UNG: variants seen among roughly 807,000 people sequenced by gnomAD.
UNG encodes the protein uracil DNA glycosylase.
A neutral mutation model predicts 36.5 loss-of-function variants in UNG; 34 were observed. That is an observed-to-expected ratio of 0.93 (90% confidence interval 0.71 to 1.24). UNG has a LOEUF of 1.24. Among genes scored for constraint, UNG ranks in the 50% most tolerant of loss-of-function variants. The pLI, the probability that UNG is intolerant of heterozygous loss-of-function variation, is 0.00. For missense variants in UNG, 391 were observed against 397.6 expected (o/e 0.98, Z 0.14); for synonymous variants, 172 against 157.8 (o/e 1.09, Z -0.67).
chr12:109,103,400 C>T (rs368190134), intron 5 of UNG, 33 bp from the exon 6 acceptor site: 1 of 1,609,574 alleles, frequency 6.2e-7, no homozygotes. Context: ...TTTGCCTGAG[C>T]CTACATTTAA....
chr12:109,101,756 T>C, intron 3 of UNG, 146 bp from the exon 4 acceptor site: 3 of 715,352 alleles, frequency 4.2e-6, no homozygotes, highest in Non-Finnish European at 7.5e-6. Context: ...AAGTTTAAAA[T>C]ACGCTTAGCC....
intron 6 of UNG, among the ~76,000 whole-genome samples, chr12:109,109,531 C>T (rs1259087663): frequency 4.0e-5 from 6 of 151,234 alleles, no homozygotes; most frequent in African/African-American, 1.5e-4. Flanking sequence ...CGCCTGTAAT[C>T]CCAGCACTTT....
At position 109,103,630 on chromosome 12, in the gene UNG, C is replaced by CT. The variant is rs144108564; in HGVS notation, c.801+27dup. 118 of 1,565,380 alleles carry CT rather than the reference C, an allele frequency of 7.5e-5. No individual in the cohort carries two copies. In the African/African-American group the frequency reaches 1.3e-3, roughly 18 times the overall value. On this transcript the variant is annotated intron_variant, in intron 6 of 6. Transcript: ENST00000242576. ...TGATAGGGTATGTTTTGTTTTCTTT[C>CT]TTTTTTTTCTTTTTTTTTTAACACT...
intron 6 of UNG, among the ~76,000 whole-genome samples, chr12:109,106,843 GCA>G: frequency 2.6e-5 from 2 of 76,322 alleles, no homozygotes; most frequent in Admixed American, 1.6e-4. Flanking sequence ...CTCCAGCCTG[GCA>G]ACAGAGTGAG....
Position 109,101,986 on chromosome 12 carries a change from C to CT in UNG, c.520_521insT (p.Pro174LeufsTer11). ...CTGCTTTAGTGTTCAAAGGCCTGTTCCGCCTCCGCCCAGGTACAGTTGCTT... is the reference window on the plus strand; with the variant it reads ...CTGCTTTAGTGTTCAAAGGCCTGTTCTCGCCTCCGCCCAGGTACAGTTGCTT... On this transcript the variant is annotated frameshift_variant, in exon 4 of 7. Coordinates refer to ENST00000242576, the MANE Select transcript of UNG (RefSeq NM_080911.3). LOFTEE classifies it high-confidence loss of function. 6.2e-7 allele frequency: 1 copy of CT among 1,613,934 alleles called. No homozygotes were observed. Among genetic ancestry groups the CT allele is most frequent in the Non-Finnish European group, 8.5e-7 (1 of 1,179,956 alleles).
chr12:109,109,510 A>G (rs1427140978), intron 6 of UNG, among the ~76,000 whole-genome samples: 2 of 150,856 alleles, frequency 1.3e-5, no homozygotes, highest in Non-Finnish European at 3.0e-5. Flanking sequence ...CCGGCCGGGC[A>G]TGGTGGTTCA....
chr12:109,098,939 G>A (rs1351646967), intron 2 of UNG, among the ~76,000 whole-genome samples: 1 of 152,218 alleles, frequency 6.6e-6, no homozygotes, highest in Non-Finnish European at 1.5e-5. Flanking sequence ...CCTGGCTTGA[G>A]CTTTAAAAAG....
chr12:109,097,668 C>T lies in UNG; in HGVS notation c.-12C>T, dbSNP rs780581104. 1.1e-5 allele frequency: 17 copies of T among 1,604,428 alleles called. 1 individual carries two copies. In the South Asian group the frequency reaches 1.7e-4, roughly 16 times the overall value. On this transcript the variant is annotated 5_prime_UTR_variant, in exon 1 of 7. Coordinates refer to ENST00000242576, the MANE Select transcript of UNG (RefSeq NM_080911.3). Reference sequence around the variant, plus strand: ...CCGGGTGGCGCGCGTTCGCTGCCTCCTCAGCTCCAGGATGATCGGCCAGAA... The same window carrying T: ...CCGGGTGGCGCGCGTTCGCTGCCTCTTCAGCTCCAGGATGATCGGCCAGAA...
At position 109,109,949 on chromosome 12, in the gene UNG, A is replaced by T; in HGVS notation, c.922A>T (p.Ile308Phe). 6.2e-7 allele frequency: 1 copy of T among 1,614,020 alleles called. No individual in the cohort carries two copies. The highest frequency in any genetic ancestry group is 2.2e-5 in the East Asian group (1 of 44,884). The change falls in exon 7 of 7, where the codon ATT becomes TTT. Residue 308 changes from isoleucine to phenylalanine, a missense_variant. Coordinates refer to ENST00000242576, the MANE Select transcript of UNG (RefSeq NM_080911.3). The stretch of plus-strand genomic sequence containing the variant: ...GCTGCAGAAGTCTGGCAAGAAGCCC[A>T]TTGACTGGAAGGAGCTGTGATCATC... ...ELLQKSGKKPIDWKEL is the reference protein window; with the variant it reads ...ELLQKSGKKPFDWKEL
intron 6 of UNG, among the ~76,000 whole-genome samples, chr12:109,106,743 C>CA (rs2042217352): frequency 6.7e-6 from 1 of 148,746 alleles, no homozygotes; most frequent in African/African-American, 2.5e-5. Flanking sequence ...TACTAAAATA[C>CA]AAAAAATTAG....
chr12:109,098,193 C>A, intron 1 of UNG: 1 of 1,426,184 alleles, frequency 7.0e-7, no homozygotes, highest in Admixed American at 2.8e-5. Flanking sequence ...CCAGTCACCG[C>A]GACGCTCCTC....
At position 109,103,748 on chromosome 12, in the gene UNG, G is replaced by A. The variant is rs2042196901; in HGVS notation, c.801+137G>A. On this transcript the variant is annotated intron_variant, in intron 6 of 6. Transcript: ENST00000242576. The stretch of plus-strand genomic sequence containing the variant: ...ATAACTTTTATTTTCCCTTAGGCCT[G>A]TTATAAGGGTTTCCCATTGAAAACT... 9.7e-6 allele frequency: 10 copies of A among 1,025,786 alleles called. No individual in the cohort carries two copies. The East Asian group carries it at 1.8e-4, about 19-fold the overall frequency. 63.5% of individuals were successfully genotyped at this position (1,025,786 alleles called of 1,614,324 possible).
chr12:109,097,859 C>T (rs982865574), intron 1 of UNG, 48 bp downstream of exon 1: 6 of 1,474,448 alleles, frequency 4.1e-6, no homozygotes, highest in Admixed American at 4.8e-5. Context: ...GGGAGGAAGG[C>T]GGTGGGCCCC....
In UNG at chr12:109,110,706, T is replaced by A. The variant is rs1362461941; in HGVS notation, c.*737T>A. On this transcript the variant is annotated 3_prime_UTR_variant, in exon 7 of 7. Coordinates refer to ENST00000242576, the MANE Select transcript of UNG (RefSeq NM_080911.3). ...GTGGGGTGATTTTCTCCTAGGGTTATGTCCAGTTGGGGTTTTTAAGGCAGC... is the reference window on the plus strand; with the variant it reads ...GTGGGGTGATTTTCTCCTAGGGTTAAGTCCAGTTGGGGTTTTTAAGGCAGC... 1 of 152,440 alleles carries A rather than the reference T, an allele frequency of 6.6e-6. No individual in the cohort carries two copies. Among genetic ancestry groups the A allele is most frequent in the Non-Finnish European group, 1.5e-5 (1 of 68,294 alleles). The allele number at this position is 152,440 out of a possible 1,614,324, so 9.4% of individuals were successfully genotyped here. A position where few individuals can be genotyped will look rare whatever the true frequency, so the allele number is the denominator to read the frequency against.
rs754010984 is a variant in UNG, at chr12:109,103,585, CAGA to C, written c.781_783del (p.Lys261del). 2 of 1,613,674 alleles carry C rather than the reference CAGA, an allele frequency of 1.2e-6. No individual in the cohort carries two copies. The highest frequency in any genetic ancestry group is 1.7e-5 in the Admixed American group (1 of 59,980). Reference sequence around the variant, plus strand: ...TTTCTTGCTCTGGGGCTCTTATGCTCAGAAGAAGGGCAGTGCCATTGATAGGGT... The same window carrying C: ...TTTCTTGCTCTGGGGCTCTTATGCTCAGAAGGGCAGTGCCATTGATAGGGT... On this transcript the variant is annotated inframe_deletion, in exon 6 of 7. Transcript: ENST00000242576.
chr12:109,098,252 A>T, intron 1 of UNG, 180 bp from the exon 2 acceptor site: 1 of 1,513,288 alleles, frequency 6.6e-7, no homozygotes, highest in Non-Finnish European at 8.8e-7. Flanking sequence ...CCAGTTTAGA[A>T]CCTAATTCCC....
At chr12:109,100,686 A>T (rs1261883233) in intron 3 of UNG, among the ~76,000 whole-genome samples, 1 of 152,250 alleles carries the variant, frequency 6.6e-6, no homozygotes, top group Non-Finnish European at 1.5e-5. Context: ...ACCTATGAGG[A>T]TCAGATGGGC....
Position 109,098,140 on chromosome 12 carries a change from T to TG in UNG, c.133-288dup, listed in dbSNP as rs1314662329. On this transcript the variant is annotated intron_variant, in intron 1 of 6. Transcript: ENST00000242576. ...GCGAAAAGACCACGTGGGGACGCGGTGGGGCGGGTCTGGCGGGGGCGGGGC... is the reference window on the plus strand; with the variant it reads ...GCGAAAAGACCACGTGGGGACGCGGTGGGGGCGGGTCTGGCGGGGGCGGGGC... 5 of 1,291,188 alleles carry TG rather than the reference T, an allele frequency of 3.9e-6. No individual in the cohort carries two copies. The Admixed American group carries it at 1.5e-4, about 38-fold the overall frequency. 80.0% of individuals were successfully genotyped at this position (1,291,188 alleles called of 1,614,324 possible).
rs146685524 is a variant in UNG, at chr12:109,101,952, T to C, written c.486T>C (p.Ala162=). ...GQDPYHGPNQ[A]HGLCFSVQRP... ...ATCCATATCATGGACCTAATCAAGC[T>C]CACGGGCTCTGCTTTAGTGTTCAAA... The change falls in exon 4 of 7, where the codon GCT becomes GCC. Residue 162 remains alanine, a synonymous_variant. Coordinates refer to ENST00000242576, the MANE Select transcript of UNG (RefSeq NM_080911.3). The C allele has an allele frequency of 2.4e-5, 38 of 1,614,122 alleles. No individual in the cohort carries two copies. The highest frequency in any genetic ancestry group is 4.4e-5 in the South Asian group (4 of 91,086).
Sources: allele counts gnomAD v4.1 joint callset (sites outside exome capture counted in the v4.1 genomes callset), GRCh38; gene constraint gnomAD v4.1.1; transcripts MANE v1.5; gene names NCBI Gene and HGNC (gene_info 2026-07-23, HGNC 2026-07-21).